The following CDK12 variants were observed in gnomAD, a reference collection of about 807,000 sequenced individuals.
CDK12 encodes cyclin-dependent kinase 12.
Under a neutral mutation model 133.8 loss-of-function variants are expected in CDK12, and 17 were observed. The observed-to-expected ratio is 0.13, with a 90% CI of 0.09 to 0.19. The LOEUF (loss-of-function observed/expected upper bound fraction) is 0.19. Among genes scored for constraint, CDK12 ranks in the 10% least tolerant of loss-of-function variants. CDK12 has a pLI of 1.00. For missense variants in CDK12, 1,508 were observed against 1,818.7 expected, an observed-to-expected ratio of 0.83 and a Z score of 3.11; for synonymous variants, 694 against 683.6, an observed-to-expected ratio of 1.02 and a Z score of -0.24.
chr17:39,498,814 T>C (rs2052345275), intron 5 of CDK12, among the ~76,000 whole-genome samples: 2 of 151,910 alleles, frequency 1.3e-5, no homozygotes, highest in Admixed American at 1.3e-4. Context: ...CATGAGCCAC[T>C]GAACACAGCC....
chr17:39,545,496 CT>C (rs34616390), upstream of CDK12, among the ~76,000 whole-genome samples: 14,919 of 103,490 alleles, frequency 0.14, 611 homozygotes, highest in East Asian at 0.18. Context: ...CCCCAAAAAG[CT>C]TTTTTTTTTT....
chr17:39,485,615 A>G (rs1381807668), intron 2 of CDK12, among the ~76,000 whole-genome samples: 2 of 151,324 alleles, frequency 1.3e-5, no homozygotes, highest in African/African-American at 2.4e-5. Context: ...GGGTTTCACA[A>G]TGTTTGCCAG....
At chr17:39,473,457 T>G (rs1436635941) in intron 2 of CDK12, among the ~76,000 whole-genome samples, 1 of 152,014 alleles carries the variant, frequency 6.6e-6, no homozygotes, top group Non-Finnish European at 1.5e-5. Context: ...AATACTTCTT[T>G]AAGGCTGGGC....
chr17:39,528,647 G>T (rs1409344742), intron 13 of CDK12, among the ~76,000 whole-genome samples: 2 of 152,128 alleles, frequency 1.3e-5, no homozygotes, highest in African/African-American at 2.4e-5. Flanking sequence ...TGCTACTTTG[G>T]AATAGAATTT....
downstream of CDK12, among the ~76,000 whole-genome samples, chr17:39,538,921 A>T (rs34556914): frequency 6.8e-6 from 1 of 146,330 alleles, no homozygotes; most frequent in South Asian, 2.1e-4. Flanking sequence ...ACATACATAC[A>T]TACATACATA....
At chr17:39,483,308 A>G (rs532167998) in intron 2 of CDK12, among the ~76,000 whole-genome samples, 6 of 151,118 alleles carry the variant, frequency 4.0e-5, no homozygotes, top group African/African-American at 1.2e-4. Context: ...TTTGTCGCCC[A>G]TGCTGGAGTT....
intron 13 of CDK12, among the ~76,000 whole-genome samples, chr17:39,529,316 A>G (rs2054685044): frequency 6.6e-6 from 1 of 152,214 alleles, no homozygotes; most frequent in Non-Finnish European, 1.5e-5. Context: ...AAACTTAATT[A>G]CTGATTGTCT....
intron 10 of CDK12, among the ~76,000 whole-genome samples, chr17:39,518,354 A>T (rs1443193095): frequency 1.3e-5 from 2 of 149,492 alleles, no homozygotes; most frequent in Non-Finnish European, 3.0e-5. Context: ...CCGTGTAGAG[A>T]TAGGGTCTCC....
chr17:39,497,520 G>C (rs890446677), intron 5 of CDK12, among the ~76,000 whole-genome samples: 1 of 150,294 alleles, frequency 6.7e-6, no homozygotes, highest in Non-Finnish European at 1.5e-5. Flanking sequence ...TTTAGCCTGG[G>C]CAACAGAGCA....
chr17:39,494,356 AGCCAGTGC>A (rs2051899206), intron 4 of CDK12, among the ~76,000 whole-genome samples, 160 bp from the exon 5 acceptor site: 1 of 152,194 alleles, frequency 6.6e-6, no homozygotes, highest in African/African-American at 2.4e-5. Flanking sequence ...TACAGGTGTG[AGCCAGTGC>A]GCCTGGCCTA....
At chr17:39,512,409 G>T (rs941320391) in intron 8 of CDK12, among the ~76,000 whole-genome samples, 1 of 152,190 alleles carries the variant, frequency 6.6e-6, no homozygotes, top group Non-Finnish European at 1.5e-5. Context: ...AGAGTTGGAA[G>T]GTGGGGAGCA....
downstream of CDK12, among the ~76,000 whole-genome samples, chr17:39,565,208 G>A (rs545828573): frequency 6.6e-6 from 1 of 152,280 alleles, no homozygotes; most frequent in South Asian, 2.1e-4. Flanking sequence ...CTGCCTACTG[G>A]GTTCACGCCA....
intron 6 of CDK12, among the ~76,000 whole-genome samples, chr17:39,502,130 A>G (rs2052759646): frequency 6.6e-6 from 1 of 150,914 alleles, no homozygotes; most frequent in Non-Finnish European, 1.5e-5. Flanking sequence ...GGCATGAGCC[A>G]CCGCACCTGG....
intron 13 of CDK12, among the ~76,000 whole-genome samples, chr17:39,528,604 G>A (rs1243636491): frequency 6.6e-6 from 1 of 152,174 alleles, no homozygotes. Flanking sequence ...CAAAGTACTG[G>A]GATTACAGGC....
chr17:39,470,678 T>G (rs1200758542), intron 1 of CDK12, among the ~76,000 whole-genome samples: 2 of 152,186 alleles, frequency 1.3e-5, no homozygotes, highest in Non-Finnish European at 1.5e-5. Flanking sequence ...ATCTTACTCA[T>G]TATACCATCT....
chr17:39,558,633 G>A (rs977808098), intron 3 of CDK12, among the ~76,000 whole-genome samples: 1 of 152,104 alleles, frequency 6.6e-6, no homozygotes, highest in Non-Finnish European at 1.5e-5. Flanking sequence ...AAAACTTCAT[G>A]CATTTTATTT....
upstream of CDK12, among the ~76,000 whole-genome samples, chr17:39,548,728 T>A (rs1020056205): frequency 6.6e-6 from 1 of 152,168 alleles, no homozygotes; most frequent in East Asian, 1.9e-4. Context: ...CTTTGGGCCA[T>A]GAGCCTCATA....
intron 2 of CDK12, among the ~76,000 whole-genome samples, chr17:39,484,278 A>G (rs536445560): frequency 6.6e-6 from 1 of 152,208 alleles, no homozygotes; most frequent in Non-Finnish European, 1.5e-5. Flanking sequence ...TTTAAATTAC[A>G]CATGTATTAT....
At chr17:39,545,573 A>T (rs2055648748), upstream of CDK12, among the ~76,000 whole-genome samples, 1 of 141,416 alleles carries the variant, frequency 7.1e-6, no homozygotes, top group Non-Finnish European at 1.5e-5. Flanking sequence ...ATCTCAGCTC[A>T]CTGCAGCCTC....
Sources: gnomAD v4.1 joint callset for allele counts (sites outside exome capture counted in the v4.1 genomes callset) on GRCh38, gnomAD v4.1.1 for gene constraint, MANE v1.5 for transcripts, NCBI Gene and HGNC (gene_info 2026-07-23, HGNC 2026-07-21) for gene names.